The following BRD10 variants were observed in gnomAD, a reference collection of about 807,000 sequenced individuals.
The protein encoded by BRD10 is uncharacterized bromodomain-containing protein 10.
the BRD10 span, among the ~76,000 whole-genome samples, chr9:5,893,250 G>A: frequency 1.3e-5 from 2 of 152,174 alleles, no homozygotes; most frequent in Non-Finnish European, 2.9e-5. Context: ...GACATACTCT[G>A]TATGTGCTGG....
At chr9:5,959,831 C>T in the BRD10 span, among the ~76,000 whole-genome samples, 1 of 152,174 alleles carries the variant, frequency 6.6e-6, no homozygotes, top group Admixed American at 6.5e-5. Context: ...GCAATGGAAT[C>T]TTGATTCAAT....
the BRD10 span, among the ~76,000 whole-genome samples, chr9:5,914,410 GTTTTTTTTTTTT>G: frequency 1.7e-4 from 13 of 75,458 alleles, no homozygotes; most frequent in South Asian, 5.5e-4. Flanking sequence ...AATCCAGATG[GTTTTTTTTTTTT>G]TTTTTTTTTT....
the BRD10 span, chr9:5,897,728 G>A: frequency 7.9e-7 from 1 of 1,272,018 alleles, no homozygotes; most frequent in South Asian, 1.2e-5. Flanking sequence ...TGAATCTCTG[G>A]AGAGTCAGAT....
chr9:5,881,078 T>A, the BRD10 span, among the ~76,000 whole-genome samples: 1 of 152,144 alleles, frequency 6.6e-6, no homozygotes, highest in Non-Finnish European at 1.5e-5. Context: ...AGAAGTTCTG[T>A]CAAAGGGTTG....
At chr9:5,899,934 AC>A in the BRD10 span, among the ~76,000 whole-genome samples, 1 of 152,164 alleles carries the variant, frequency 6.6e-6, no homozygotes, top group African/African-American at 2.4e-5. Context: ...TTACACCCAG[AC>A]ATGTTGGAAA....
chr9:5,941,259 C>G, the BRD10 span, among the ~76,000 whole-genome samples: 1 of 152,086 alleles, frequency 6.6e-6, no homozygotes, highest in Non-Finnish European at 1.5e-5. Context: ...TTCAGGAAAA[C>G]TAATAAATTT....
At chr9:5,893,281 C>T in the BRD10 span, among the ~76,000 whole-genome samples, 15 of 152,278 alleles carry the variant, frequency 9.9e-5, no homozygotes, top group East Asian at 2.9e-3. Flanking sequence ...GGGACATACT[C>T]TGTACGTGCT....
chr9:5,999,851 A>G, the BRD10 span, among the ~76,000 whole-genome samples: 2 of 152,150 alleles, frequency 1.3e-5, no homozygotes, highest in South Asian at 2.1e-4. Context: ...CATTGTAAAT[A>G]TATGCTAAAA....
chr9:5,889,219 C>A, the BRD10 span, among the ~76,000 whole-genome samples: 6 of 152,224 alleles, frequency 3.9e-5, no homozygotes, highest in African/African-American at 1.4e-4. Context: ...ACATGTCACA[C>A]AACCAATGCT....
chr9:5,907,388 T>C, the BRD10 span, among the ~76,000 whole-genome samples: 1 of 152,226 alleles, frequency 6.6e-6, no homozygotes, highest in South Asian at 2.1e-4. Flanking sequence ...GTACCTATTA[T>C]TTATTGTATA....
the BRD10 span, among the ~76,000 whole-genome samples, chr9:5,929,998 G>T: frequency 6.6e-6 from 1 of 151,980 alleles, no homozygotes; most frequent in Admixed American, 6.6e-5. Flanking sequence ...GAAACCTCTA[G>T]AAGATACACC....
chr9:5,897,011 C>T, the BRD10 span, among the ~76,000 whole-genome samples: 1 of 152,210 alleles, frequency 6.6e-6, no homozygotes, highest in Non-Finnish European at 1.5e-5. Context: ...TCTGTATGAT[C>T]ACCAGCGAGT....
the BRD10 span, among the ~76,000 whole-genome samples, chr9:6,003,790 A>G: frequency 6.6e-6 from 1 of 152,030 alleles, no homozygotes; most frequent in Admixed American, 6.5e-5. Flanking sequence ...AAATATTTAT[A>G]AATTATTTAT....
At chr9:5,978,441 A>G in the BRD10 span, among the ~76,000 whole-genome samples, 1 of 151,934 alleles carries the variant, frequency 6.6e-6, no homozygotes, top group Non-Finnish European at 1.5e-5. Flanking sequence ...AATGTACACA[A>G]ATTGATGGCA....
chr9:5,988,056 T>C, the BRD10 span, among the ~76,000 whole-genome samples: 3 of 152,342 alleles, frequency 2.0e-5, no homozygotes, highest in African/African-American at 7.2e-5. Flanking sequence ...TACAAACCTA[T>C]AGAAAATTCC....
chr9:5,935,922 A>G, the BRD10 span, among the ~76,000 whole-genome samples: 3 of 152,228 alleles, frequency 2.0e-5, no homozygotes, highest in Admixed American at 1.3e-4. Flanking sequence ...TTCCTAAAGT[A>G]TAAGTCTTTC....
the BRD10 span, among the ~76,000 whole-genome samples, chr9:5,906,323 C>CT: frequency 8.2e-6 from 1 of 121,846 alleles, no homozygotes; most frequent in African/African-American, 2.9e-5. Flanking sequence ...GAGTGAGACT[C>CT]TGTCTCAAAA....
At chr9:5,986,911 T>C in the BRD10 span, among the ~76,000 whole-genome samples, 4 of 152,206 alleles carry the variant, frequency 2.6e-5, no homozygotes, top group African/African-American at 9.7e-5. Flanking sequence ...CTTTTTCCCC[T>C]ACCTGGACTC....
At chr9:5,966,746 C>G in the BRD10 span, among the ~76,000 whole-genome samples, 1 of 152,014 alleles carries the variant, frequency 6.6e-6, no homozygotes, top group African/African-American at 2.4e-5. Context: ...GTGTAAGCCA[C>G]CGTGCCCAGC....
Sources: gnomAD v4.1 joint callset for allele counts (sites outside exome capture counted in the v4.1 genomes callset) on GRCh38, gnomAD v4.1.1 for gene constraint, MANE v1.5 for transcripts, NCBI Gene and HGNC (gene_info 2026-07-23, HGNC 2026-07-21) for gene names.